Variants in MARCHF1 observed in about 807,000 individuals in gnomAD.
The protein encoded by MARCHF1 is membrane associated ring-CH-type finger 1.
In MARCHF1, 40 loss-of-function variants were observed where a neutral mutation model predicts 54.2. The ratio of observed to expected loss-of-function variants is 0.74; its 90% CI spans 0.57 to 0.96. MARCHF1 has a LOEUF of 0.96. MARCHF1 is among the 40% of genes least tolerant of loss of function. MARCHF1 has a pLI of 0.00. For synonymous variants in MARCHF1, 236 were observed against 236.3 expected, an observed-to-expected ratio of 1.00 and a Z score of 0.01; for missense variants, 586 against 656.5, an observed-to-expected ratio of 0.89 and a Z score of 1.17.
chr4:163,754,551 T>A (rs1422563917), intron 4 of MARCHF1, among the ~76,000 whole-genome samples: 2 of 152,194 alleles, frequency 1.3e-5, no homozygotes, highest in East Asian at 3.9e-4. Flanking sequence ...GCTGATAAGA[T>A]GTAGATTACT....
At chr4:164,143,847 T>A (rs1031504747) in intron 1 of MARCHF1, among the ~76,000 whole-genome samples, 17 of 152,302 alleles carry the variant, frequency 1.1e-4, no homozygotes, top group African/African-American at 3.8e-4. Flanking sequence ...GTCAATGGAC[T>A]AAATGCTCCA....
intron 1 of MARCHF1, among the ~76,000 whole-genome samples, chr4:164,134,850 T>TAA (rs5863662): frequency 0.25 from 36,208 of 145,618 alleles, 5,453 homozygotes; most frequent in Middle Eastern, 0.36. Context: ...TCAGTCTTAG[T>TAA]AAAAAAAAAA....
chr4:164,296,575 G>A (rs539905764), intron 1 of MARCHF1, among the ~76,000 whole-genome samples: 2 of 151,982 alleles, frequency 1.3e-5, no homozygotes, highest in Admixed American at 6.6e-5. Context: ...TCACCATGTT[G>A]GCCAGGCTGG....
chr4:163,893,582 A>G (rs2111278148), intron 3 of MARCHF1, among the ~76,000 whole-genome samples: 1 of 152,324 alleles, frequency 6.6e-6, no homozygotes, highest in East Asian at 1.9e-4. Context: ...ATACAAATGG[A>G]AAGGGAACTC....
intron 3 of MARCHF1, among the ~76,000 whole-genome samples, chr4:163,907,799 A>G (rs979840485): frequency 6.6e-6 from 1 of 152,130 alleles, no homozygotes; most frequent in Non-Finnish European, 1.5e-5. Flanking sequence ...TGATTCCTTT[A>G]TATCTTCACC....
chr4:163,582,492 C>T (rs926332751), intron 8 of MARCHF1, among the ~76,000 whole-genome samples: 2 of 152,124 alleles, frequency 1.3e-5, no homozygotes, highest in African/African-American at 4.8e-5. Context: ...AACCATTAAG[C>T]CCCAAGGTTT....
intron 1 of MARCHF1, among the ~76,000 whole-genome samples, chr4:164,163,670 T>C (rs553960374): frequency 3.2e-4 from 49 of 151,978 alleles, no homozygotes; most frequent in African/African-American, 1.1e-3. Context: ...AATACCTTAT[T>C]TGAATGAATG....
chr4:164,296,066 T>G (rs541424820), intron 1 of MARCHF1, among the ~76,000 whole-genome samples: 2 of 152,312 alleles, frequency 1.3e-5, no homozygotes, highest in African/African-American at 4.8e-5. Context: ...GCCTTATTTC[T>G]GTATAGATTC....
intron 5 of MARCHF1, among the ~76,000 whole-genome samples, chr4:163,638,118 G>A (rs1163840120): frequency 2.0e-5 from 3 of 147,984 alleles, no homozygotes; most frequent in Non-Finnish European, 4.5e-5. Context: ...GGGAGGGATA[G>A]CACTGGGAGA....
chr4:163,606,588 G>A (rs946993687), intron 7 of MARCHF1, among the ~76,000 whole-genome samples: 1 of 152,018 alleles, frequency 6.6e-6, no homozygotes, highest in Non-Finnish European at 1.5e-5. Flanking sequence ...ATTGAAGCAT[G>A]CCTAAATATG....
intron 1 of MARCHF1, among the ~76,000 whole-genome samples, chr4:164,171,644 C>G (rs959065258): frequency 2.0e-5 from 3 of 151,990 alleles, no homozygotes; most frequent in African/African-American, 7.3e-5. Flanking sequence ...GAGTACCAAG[C>G]CTTAAATGAA....
At chr4:164,093,359 T>C (rs926105726) in intron 2 of MARCHF1, among the ~76,000 whole-genome samples, 2 of 152,132 alleles carry the variant, frequency 1.3e-5, no homozygotes, top group Admixed American at 1.3e-4. Context: ...TAAAAATGGA[T>C]TTTATCATAC....
intron 1 of MARCHF1, among the ~76,000 whole-genome samples, chr4:164,125,617 C>T (rs1359982245): frequency 6.6e-6 from 1 of 152,232 alleles, no homozygotes; most frequent in South Asian, 2.1e-4. Flanking sequence ...ACATAGTAAC[C>T]TTATGATAAG....
intron 2 of MARCHF1, among the ~76,000 whole-genome samples, chr4:164,100,769 C>T (rs916030008): frequency 3.3e-5 from 5 of 152,118 alleles, no homozygotes; most frequent in African/African-American, 9.7e-5. Context: ...CCAAGATGGC[C>T]GAATAGGAAC....
At chr4:163,837,213 C>T (rs1282185057) in intron 4 of MARCHF1, among the ~76,000 whole-genome samples, 3 of 151,876 alleles carry the variant, frequency 2.0e-5, no homozygotes, top group African/African-American at 4.8e-5. Context: ...GACTTGGTGA[C>T]GTTATTTCAA....
chr4:163,529,110 T>TA, intron 9 of MARCHF1, 64 bp from the exon 10 acceptor site: 1 of 1,344,652 alleles, frequency 7.4e-7, no homozygotes, highest in South Asian at 1.4e-5. Flanking sequence ...GTCATTTTTT[T>TA]TTTCTATGAC....
chr4:164,022,590 T>A (rs1045221241), intron 2 of MARCHF1, among the ~76,000 whole-genome samples: 7 of 152,154 alleles, frequency 4.6e-5, no homozygotes, highest in African/African-American at 1.7e-4. Context: ...ACCACAGACA[T>A]TTGAACTGGC....
intron 1 of MARCHF1, among the ~76,000 whole-genome samples, chr4:164,150,982 A>G (rs1729919371): frequency 1.3e-5 from 2 of 152,140 alleles, no homozygotes; most frequent in Admixed American, 6.5e-5. Flanking sequence ...GTGATGTGAG[A>G]AAGTCTCGAC....
At chr4:164,068,780 C>T (rs1419171627) in intron 2 of MARCHF1, among the ~76,000 whole-genome samples, 1 of 152,224 alleles carries the variant, frequency 6.6e-6, no homozygotes, top group Non-Finnish European at 1.5e-5. Flanking sequence ...ACCTGCGGCC[C>T]TGGTGAGGGA....
Sources: allele counts gnomAD v4.1 joint callset (sites outside exome capture counted in the v4.1 genomes callset), GRCh38; gene constraint gnomAD v4.1.1; transcripts MANE v1.5; gene names NCBI Gene and HGNC (gene_info 2026-07-23, HGNC 2026-07-21).